Variants in PTPRC observed in about 807,000 individuals in gnomAD.
PTPRC encodes the protein receptor-type tyrosine-protein phosphatase C.
A neutral mutation model predicts 155.9 loss-of-function variants in PTPRC; 44 were observed. The observed-to-expected ratio is 0.28, with a 90% CI of 0.22 to 0.36. The LOEUF (loss-of-function observed/expected upper bound fraction) is 0.36, where lower values mean the gene tolerates loss of function less well. PTPRC is among the 10% of genes least tolerant of loss of function. The probability of loss-of-function intolerance (pLI) is 1.00; values close to 1 mark genes in which losing one functional copy is unlikely to be tolerated. For synonymous variants in PTPRC, 525 were observed against 533.1 expected (o/e 0.98, Z 0.21); for missense variants, 1,401 against 1,564.6 (o/e 0.90, Z 1.76).
At chr1:198,753,942 T>C (rs1331597125) in intron 31 of PTPRC, among the ~76,000 whole-genome samples, 1 of 152,082 alleles carries the variant, frequency 6.6e-6, no homozygotes, top group African/African-American at 2.4e-5. Context: ...TCCTTATCTA[T>C]CATACTGGCA....
At chr1:198,737,908 T>C (rs1654722396) in intron 23 of PTPRC, among the ~76,000 whole-genome samples, 1 of 151,808 alleles carries the variant, frequency 6.6e-6, no homozygotes, top group African/African-American at 2.4e-5. Context: ...GGTATTTATG[T>C]TGTTTTTATC....
chr1:198,739,388 T>C (rs1381551998), intron 23 of PTPRC, among the ~76,000 whole-genome samples: 1 of 151,808 alleles, frequency 6.6e-6, no homozygotes, highest in African/African-American at 2.4e-5. Context: ...TGGAAAATTA[T>C]ATTCTTTGTA....
At chr1:198,687,005 TG>T (rs2102350482) in intron 2 of PTPRC, among the ~76,000 whole-genome samples, 2 of 152,266 alleles carry the variant, frequency 1.3e-5, no homozygotes, top group African/African-American at 4.8e-5. Flanking sequence ...TTGTTGTTGT[TG>T]TTGTTGTTGT....
Position 198,749,451 on chromosome 1 carries a change from G to A in PTPRC, c.2974G>A (p.Glu992Lys). 6.2e-7 allele frequency: 1 copy of A among 1,609,982 alleles called. No homozygotes were observed. The highest frequency in any genetic ancestry group is 8.5e-7 in the Non-Finnish European group (1 of 1,177,292). Residue 992 changes from glutamate (E) to lysine (K), a missense_variant, in exon 28 of 33, where the codon GAA (glutamate) becomes AAA (lysine). This residue lies in a region of PTPRC where 400 missense variants were observed against 389.5 expected (regional missense o/e 1.03). Coordinates refer to ENST00000442510, the MANE Select transcript of PTPRC (RefSeq NM_002838.5). ...YNRVPLKHELEMSKESEHDSD... is the reference protein window; with the variant it reads ...YNRVPLKHELKMSKESEHDSD... Reference sequence around the variant, plus strand: ...CAGAGTGCCACTTAAACATGAGCTGGAAATGAGTAAAGAGAGTGAGCATGA... The same window carrying A: ...CAGAGTGCCACTTAAACATGAGCTGAAAATGAGTAAAGAGAGTGAGCATGA...
intron 31 of PTPRC, 83 bp downstream of exon 31, chr1:198,752,855 C>T (rs1655451106): frequency 1.4e-6 from 2 of 1,463,502 alleles, no homozygotes; most frequent in Non-Finnish European, 9.4e-7. Flanking sequence ...TAGTTATCCT[C>T]ATATATGAAA....
At chr1:198,732,244 G>A (rs1654424836) in intron 18 of PTPRC, 56 bp from the exon 19 acceptor site, 5 of 1,346,656 alleles carry the variant, frequency 3.7e-6, no homozygotes, top group African/African-American at 1.4e-5. Context: ...CATTGGTAAG[G>A]GGGAAATTAT....
chr1:198,739,362 G>T (rs1418387895), intron 23 of PTPRC, among the ~76,000 whole-genome samples: 1 of 151,684 alleles, frequency 6.6e-6, no homozygotes, highest in Non-Finnish European at 1.5e-5. Context: ...GACACAAATA[G>T]ACTTAAAATA....
chr1:198,689,038 A>G (rs1478336395), intron 2 of PTPRC, among the ~76,000 whole-genome samples: 2 of 152,206 alleles, frequency 1.3e-5, no homozygotes, highest in Non-Finnish European at 2.9e-5. Flanking sequence ...CTCAATAAAT[A>G]TTAACAATTA....
intron 2 of PTPRC, among the ~76,000 whole-genome samples, chr1:198,645,781 A>C (rs968865500): frequency 6.6e-6 from 1 of 151,738 alleles, no homozygotes; most frequent in African/African-American, 2.4e-5. Context: ...TTAACTTTGC[A>C]TTCTTTATTT....
In PTPRC at chr1:198,668,898, GAAGCAGCAAT is replaced by G. The variant is rs563979037; in HGVS notation, c.74-23445_74-23436del. Among the ~76,000 whole-genome samples, 172 of 152,260 alleles carry G rather than the reference GAAGCAGCAAT, an allele frequency of 1.1e-3. 3 individuals are homozygous for G. The South Asian group carries it at 0.034, about 30-fold the overall frequency. The stretch of plus-strand genomic sequence containing the variant: ...CCACTTTACCTGCCATCTATCCATG[GAAGCAGCAAT>G]AAGACCACCTGAGAGCTATGGTACA... On this transcript the variant is annotated intron_variant, in intron 2 of 32. Transcript: ENST00000442510.
chr1:198,681,134 A>G (rs1215994001), intron 2 of PTPRC, among the ~76,000 whole-genome samples: 1 of 152,166 alleles, frequency 6.6e-6, no homozygotes, highest in East Asian at 1.9e-4. Flanking sequence ...CTGGCCCAAT[A>G]TGAATTTTCC....
chr1:198,704,346 T>G, intron 7 of PTPRC, 126 bp from the exon 8 acceptor site: 3 of 1,514,872 alleles, frequency 2.0e-6, no homozygotes, highest in Non-Finnish European at 2.7e-6. Flanking sequence ...ATCCTTCATA[T>G]TCTGTTAAAT....
chr1:198,728,144 T>C (rs1165353217), intron 15 of PTPRC, among the ~76,000 whole-genome samples, 196 bp from the exon 16 acceptor site: 1 of 152,190 alleles, frequency 6.6e-6, no homozygotes, highest in Non-Finnish European at 1.5e-5. Context: ...AATGTTTTCA[T>C]TGGTTCAGAA....
chr1:198,753,350 G>A (rs1655473494), intron 31 of PTPRC, among the ~76,000 whole-genome samples: 1 of 151,872 alleles, frequency 6.6e-6, no homozygotes, highest in African/African-American at 2.4e-5. Flanking sequence ...ATCTGTGATA[G>A]GTGCTTACAT....
chr1:198,714,427 T>G (rs1195351964), intron 12 of PTPRC, among the ~76,000 whole-genome samples: 2 of 152,154 alleles, frequency 1.3e-5, no homozygotes, highest in African/African-American at 2.4e-5. Flanking sequence ...GCAACTAGCA[T>G]GGGTCCTTCT....
At chr1:198,700,662 A>T (rs1175366523) in intron 5 of PTPRC, among the ~76,000 whole-genome samples, 2 of 152,198 alleles carry the variant, frequency 1.3e-5, no homozygotes, top group East Asian at 3.8e-4. Flanking sequence ...CAGAAACTGT[A>T]AAACAACAAA....
intron 2 of PTPRC, among the ~76,000 whole-genome samples, chr1:198,691,583 C>T (rs1364291011): frequency 6.6e-6 from 1 of 152,026 alleles, no homozygotes; most frequent in African/African-American, 2.4e-5. Context: ...ATCCATTTTC[C>T]ATTTCCTGAA....
At chr1:198,677,679 A>G (rs1665036220) in intron 2 of PTPRC, among the ~76,000 whole-genome samples, 1 of 152,192 alleles carries the variant, frequency 6.6e-6, no homozygotes, top group Non-Finnish European at 1.5e-5. Flanking sequence ...TTAAATCTAA[A>G]CAATACTGTG....
chr1:198,742,367 G>A lies in PTPRC; in HGVS notation c.2697G>A (p.Glu899=). The A allele has an allele frequency of 6.2e-7, 1 of 1,611,716 alleles. No homozygotes were observed. Among genetic ancestry groups the A allele is most frequent in the Non-Finnish European group, 8.5e-7 (1 of 1,178,486 alleles). Residue 899 remains glutamate, a splice_region_variant and synonymous_variant, in exon 25 of 33, where the codon GAG becomes GAA. Transcript: ENST00000442510. ...AGAGATGCCTGATGGTTCAAGTAGAGGTATGTTCTAACCTTTAGTGATTAT... is the reference window on the plus strand; with the variant it reads ...AGAGATGCCTGATGGTTCAAGTAGAAGTATGTTCTAACCTTTAGTGATTAT... ...RRQRCLMVQV[E]AQYILIHQAL...
Sources: allele counts gnomAD v4.1 joint callset (sites outside exome capture counted in the v4.1 genomes callset), GRCh38; gene constraint gnomAD v4.1.1; regional missense constraint gnomAD v4.1.1; transcripts MANE v1.5; gene names NCBI Gene and HGNC (gene_info 2026-07-23, HGNC 2026-07-21).